RAB30: variants seen among roughly 807,000 people sequenced by gnomAD.
The protein encoded by RAB30 is ras-related protein Rab-30.
In RAB30, 9 loss-of-function variants were observed where a neutral mutation model predicts 25.1. The observed-to-expected ratio is 0.36, with a 90% CI of 0.22 to 0.63. The LOEUF (loss-of-function observed/expected upper bound fraction) is 0.63, where lower values mean the gene tolerates loss of function less well. Among genes scored for constraint, RAB30 ranks in the 20% least tolerant of loss-of-function variants. The probability of loss-of-function intolerance (pLI) is 0.69; values close to 1 mark genes in which losing one functional copy is unlikely to be tolerated. For synonymous variants in RAB30, 77 were observed against 86.4 expected, an observed-to-expected ratio of 0.89 and a Z score of 0.60; for missense variants, 140 against 243.5, an observed-to-expected ratio of 0.58 and a Z score of 2.83.
chr11:83,018,174 C>A lies in RAB30; in HGVS notation c.-8-20850G>T, dbSNP rs546988427. On this transcript the variant is annotated intron_variant, in intron 1 of 4. Coordinates refer to ENST00000527633, the MANE Select transcript of RAB30 (RefSeq NM_001286060.2). The stretch of plus-strand genomic sequence containing the variant: ...ATTAGCTGGGCATGGTGGCATGCGC[C>A]TGTAGTCCCAGCTACTCGGGAGGCT... Among the ~76,000 whole-genome samples, 5 of 152,120 alleles carry A rather than the reference C, an allele frequency of 3.3e-5. No homozygotes were observed. In the East Asian group the frequency reaches 9.7e-4, roughly 29 times the overall value.
At chr11:83,061,733 T>A (rs1450918926) in intron 1 of RAB30, among the ~76,000 whole-genome samples, 1 of 146,228 alleles carries the variant, frequency 6.8e-6, no homozygotes, top group Non-Finnish European at 1.5e-5. Flanking sequence ...TTTTTTTTTT[T>A]AAAGATGGGG....
chr11:83,028,211 T>C (rs1383445606), intron 1 of RAB30, among the ~76,000 whole-genome samples: 3 of 152,176 alleles, frequency 2.0e-5, no homozygotes, highest in Non-Finnish European at 4.4e-5. Context: ...CTCTTAGACA[T>C]TGACAACATA....
At chr11:83,030,631 C>T (rs1857834347) in intron 1 of RAB30, among the ~76,000 whole-genome samples, 1 of 151,974 alleles carries the variant, frequency 6.6e-6, no homozygotes, top group Non-Finnish European at 1.5e-5. Flanking sequence ...AACCCCATCT[C>T]CACTAAAAAA....
intron 1 of RAB30, among the ~76,000 whole-genome samples, chr11:83,020,896 C>A (rs1220181287): frequency 6.6e-6 from 1 of 152,058 alleles, no homozygotes; most frequent in East Asian, 1.9e-4. Flanking sequence ...GGATGACCTG[C>A]CCGCAGAGAG....
chr11:83,006,020 T>A (rs767008895), intron 1 of RAB30, among the ~76,000 whole-genome samples: 10 of 152,258 alleles, frequency 6.6e-5, no homozygotes, highest in Middle Eastern at 6.8e-3. Context: ...TTATAAATTA[T>A]AATTTTAACT....
intron 1 of RAB30, among the ~76,000 whole-genome samples, chr11:83,046,415 C>T (rs1036699448): frequency 5.9e-5 from 9 of 152,118 alleles, no homozygotes; most frequent in Non-Finnish European, 1.2e-4. Context: ...TGAAGGGAAT[C>T]TATTAGATCA....
intron 1 of RAB30, among the ~76,000 whole-genome samples, chr11:83,011,624 C>T (rs1213161382): frequency 6.6e-6 from 1 of 152,112 alleles, no homozygotes; most frequent in African/African-American, 2.4e-5. Context: ...CAAGAAGATA[C>T]AATGATGTAC....
chr11:83,032,544 G>C, intron 1 of RAB30, among the ~76,000 whole-genome samples: 1 of 152,080 alleles, frequency 6.6e-6, no homozygotes, highest in Non-Finnish European at 1.5e-5. Context: ...TGCCCAGGCT[G>C]GTCTTGAACT....
At chr11:83,042,787 T>C (rs1858156431) in intron 1 of RAB30, among the ~76,000 whole-genome samples, 1 of 152,186 alleles carries the variant, frequency 6.6e-6, no homozygotes, top group South Asian at 2.1e-4. Context: ...GAAATAATTA[T>C]ACAAATTCAG....
intron 1 of RAB30, among the ~76,000 whole-genome samples, chr11:83,019,131 A>G (rs760588975): frequency 2.6e-5 from 4 of 152,200 alleles, no homozygotes. Context: ...GGTTCAAGTG[A>G]TTCTCATGCC....
At chr11:83,047,474 A>C (rs1370953311) in intron 1 of RAB30, among the ~76,000 whole-genome samples, 1 of 152,200 alleles carries the variant, frequency 6.6e-6, no homozygotes, top group Non-Finnish European at 1.5e-5. Flanking sequence ...TCACAACATT[A>C]TTTCTTTTTC....
chr11:83,017,533 C>T (rs1293143779), intron 1 of RAB30, among the ~76,000 whole-genome samples: 2 of 152,046 alleles, frequency 1.3e-5, no homozygotes, highest in South Asian at 2.1e-4. Flanking sequence ...CCTCAGCCCC[C>T]TCCCACCTTT....
intron 4 of RAB30, among the ~76,000 whole-genome samples, chr11:82,985,976 T>A (rs1266390914): frequency 1.3e-5 from 2 of 152,158 alleles, no homozygotes; most frequent in African/African-American, 4.8e-5. Context: ...TGAGCCACCA[T>A]GCCCGGCTTC....
intron 1 of RAB30, among the ~76,000 whole-genome samples, chr11:83,001,191 T>C (rs1857076437): frequency 6.6e-6 from 1 of 152,044 alleles, no homozygotes; most frequent in Non-Finnish European, 1.5e-5. Flanking sequence ...TGTGTTTTTG[T>C]TTGTTTGTTT....
At chr11:83,063,817 T>C (rs1858635183) in intron 1 of RAB30, among the ~76,000 whole-genome samples, 1 of 152,120 alleles carries the variant, frequency 6.6e-6, no homozygotes, top group Non-Finnish European at 1.5e-5. Flanking sequence ...TCCCACAAAT[T>C]CATAATAAAA....
At chr11:83,028,585 G>A (rs1445624898) in intron 1 of RAB30, among the ~76,000 whole-genome samples, 4 of 152,068 alleles carry the variant, frequency 2.6e-5, no homozygotes, top group Non-Finnish European at 4.4e-5. Flanking sequence ...TAAAGAATCA[G>A]AAATCAGAAC....
chr11:83,039,741 A>G (rs1032330325), intron 1 of RAB30, among the ~76,000 whole-genome samples: 1 of 152,196 alleles, frequency 6.6e-6, no homozygotes, highest in African/African-American at 2.4e-5. Context: ...CAACAATGGA[A>G]GCTGAGAAAG....
intron 1 of RAB30, among the ~76,000 whole-genome samples, chr11:83,039,667 T>C (rs564078095): frequency 1.3e-5 from 2 of 151,996 alleles, no homozygotes; most frequent in Non-Finnish European, 2.9e-5. Context: ...GAAGTCAAAA[T>C]TCTTGGGGAA....
chr11:83,032,075 C>T (rs1439913839), intron 1 of RAB30, among the ~76,000 whole-genome samples: 3 of 152,150 alleles, frequency 2.0e-5, no homozygotes, highest in African/African-American at 7.2e-5. Context: ...TCTTTGTGAC[C>T]ATATTCCATA....
Sources: allele counts gnomAD v4.1 joint callset (sites outside exome capture counted in the v4.1 genomes callset), GRCh38; gene constraint gnomAD v4.1.1; transcripts MANE v1.5; gene names NCBI Gene and HGNC (gene_info 2026-07-23, HGNC 2026-07-21).